The following AGAP1 variants were observed in gnomAD, a reference collection of about 807,000 sequenced individuals.
AGAP1 encodes the protein arf-GAP with GTPase, ANK repeat and PH domain-containing protein 1.
Under a neutral mutation model 105.3 loss-of-function variants are expected in AGAP1, and 29 were observed. The ratio of observed to expected loss-of-function variants is 0.28; its 90% CI spans 0.21 to 0.38. The LOEUF (loss-of-function observed/expected upper bound fraction) is 0.38, where lower values mean the gene tolerates loss of function less well. AGAP1 is among the 10% of genes least tolerant of loss of function. AGAP1 has a pLI of 1.00. For missense variants in AGAP1, 998 were observed against 1,165.1 expected, an observed-to-expected ratio of 0.86 and a Z score of 2.09; for synonymous variants, 509 against 485.9, an observed-to-expected ratio of 1.05 and a Z score of -0.63.
At position 235,577,981 on chromosome 2, in the gene AGAP1, C is replaced by T. The variant is rs148923507; in HGVS notation, c.163+83132C>T. ...CTGCACAGGGGGTCTGGATCGCACCCGACACCATCCAGGTGCCTGCGTGTG... is the reference window on the plus strand; with the variant it reads ...CTGCACAGGGGGTCTGGATCGCACCTGACACCATCCAGGTGCCTGCGTGTG... On this transcript the variant is annotated intron_variant, in intron 1 of 17. Coordinates refer to ENST00000304032, the MANE Select transcript of AGAP1 (RefSeq NM_001037131.3). This position sits in a 1 kb window ranked among gnomAD's most constrained non-coding sequence, Gnocchi z 4.5. Among the ~76,000 whole-genome samples, 2 of 152,110 alleles carry T rather than the reference C, an allele frequency of 1.3e-5. No individual in the cohort carries two copies. The highest frequency in any genetic ancestry group is 3.9e-4 in the East Asian group (2 of 5,154).
At chr2:235,857,960 T>A (rs2048758398) in intron 9 of AGAP1, among the ~76,000 whole-genome samples, 2 of 152,190 alleles carry the variant, frequency 1.3e-5, no homozygotes, top group Non-Finnish European at 2.9e-5. Flanking sequence ...CTGGGTGATC[T>A]TGGGGGATTT....
chr2:235,691,697 G>A lies in AGAP1; in HGVS notation c.164-17482G>A, dbSNP rs1415329402. ...CATCTGCAGAAGGCTGCAAGCTGGGGAACTGAGGGGCCTCTTGGTCTGGGG... is the reference window on the plus strand; with the variant it reads ...CATCTGCAGAAGGCTGCAAGCTGGGAAACTGAGGGGCCTCTTGGTCTGGGG... On this transcript the variant is annotated intron_variant, in intron 1 of 17. Coordinates refer to ENST00000304032, the MANE Select transcript of AGAP1 (RefSeq NM_001037131.3). The surrounding 1 kb of genome is among the most constrained non-coding windows in gnomAD (Gnocchi z 4.4). 6.6e-6 allele frequency among the ~76,000 whole-genome samples: 1 copy of A among 152,350 alleles called. No individual in the cohort carries two copies. Among genetic ancestry groups the A allele is most frequent in the African/African-American group, 2.4e-5 (1 of 41,580 alleles).
Position 235,982,164 on chromosome 2 carries a change from A to G in AGAP1, c.1645+13541A>G, listed in dbSNP as rs1044124862. Among the ~76,000 whole-genome samples the G allele has an allele frequency of 3.9e-5, 6 of 152,240 alleles. No individual in the cohort carries two copies. Among genetic ancestry groups the G allele is most frequent in the Admixed American group, 2.6e-4 (4 of 15,280 alleles). The stretch of plus-strand genomic sequence containing the variant: ...GGCTGTAATTTTGGAAAGCTGGCAT[A>G]TATAATGATGATCTCTTCGCAGCCT... On this transcript the variant is annotated intron_variant, in intron 13 of 17. Transcript: ENST00000304032. This position sits in a 1 kb window ranked among gnomAD's most constrained non-coding sequence, Gnocchi z 4.9.
chr2:236,117,092 A>G (rs911334585), intron 16 of AGAP1, among the ~76,000 whole-genome samples: 1 of 152,074 alleles, frequency 6.6e-6, no homozygotes, highest in Admixed American at 6.5e-5. Context: ...TCAAATAATG[A>G]CTTCTTTTCC....
chr2:235,607,207 C>T (rs971876292), intron 1 of AGAP1, among the ~76,000 whole-genome samples: 4 of 152,094 alleles, frequency 2.6e-5, no homozygotes, highest in Non-Finnish European at 5.9e-5. Flanking sequence ...CCTGCCCAGA[C>T]CCAGGGCTGC....
At chr2:235,545,418 C>T (rs889407439) in intron 1 of AGAP1, among the ~76,000 whole-genome samples, 1 of 152,152 alleles carries the variant, frequency 6.6e-6, no homozygotes, top group African/African-American at 2.4e-5. Flanking sequence ...GCGTGTGAGC[C>T]CTTACTTAGA....
At chr2:235,878,386 C>A (rs568244634) in intron 9 of AGAP1, among the ~76,000 whole-genome samples, 1 of 152,304 alleles carries the variant, frequency 6.6e-6, no homozygotes, top group Non-Finnish European at 1.5e-5. Flanking sequence ...ACCCTCCAGC[C>A]CTGCAGGGTC....
chr2:235,717,675 A>T lies in AGAP1; in HGVS notation c.310+31A>T, dbSNP rs374321329. The T allele has an allele frequency of 3.8e-6, 6 of 1,568,506 alleles. No homozygotes were observed. In the African/African-American group the frequency reaches 8.2e-5, roughly 22 times the overall value. On this transcript the variant is annotated intron_variant, in intron 3 of 17. Coordinates refer to ENST00000304032, the MANE Select transcript of AGAP1 (RefSeq NM_001037131.3). Reference sequence around the variant, plus strand: ...CTGTTTGGCAGGCAGTTGCAAACTTAAGAATGTAGTTTTTTAAAATTTTTC... The same window carrying T: ...CTGTTTGGCAGGCAGTTGCAAACTTTAGAATGTAGTTTTTTAAAATTTTTC...
chr2:235,569,861 C>T lies in AGAP1; in HGVS notation c.163+75012C>T, dbSNP rs1944461508. ...CTGAAAGTGGATGCTATTGTTTTTC[C>T]GATTGCTGGTCTCTTTACTTGTTTA... On this transcript the variant is annotated intron_variant, in intron 1 of 17. Coordinates refer to ENST00000304032, the MANE Select transcript of AGAP1 (RefSeq NM_001037131.3). This position sits in a 1 kb window ranked among gnomAD's most constrained non-coding sequence, Gnocchi z 5.9. 6.6e-6 allele frequency among the ~76,000 whole-genome samples: 1 copy of T among 152,132 alleles called. No individual in the cohort carries two copies. The highest frequency in any genetic ancestry group is 1.9e-4 in the East Asian group (1 of 5,190).
At chr2:235,710,013 A>ATG (rs1186395638) in intron 2 of AGAP1, among the ~76,000 whole-genome samples, 1 of 152,146 alleles carries the variant, frequency 6.6e-6, no homozygotes, top group Non-Finnish European at 1.5e-5. Flanking sequence ...CTATGTATGT[A>ATG]TGTATATATG....
rs2058037512 is a variant in AGAP1, at chr2:236,055,802, T to A, written c.2114+6521T>A. On this transcript the variant is annotated intron_variant, in intron 16 of 17. Transcript: ENST00000304032. The surrounding 1 kb of genome is among the most constrained non-coding windows in gnomAD (Gnocchi z 6.2). ...CCTTACTTAAGATATTTTAGCAACT[T>A]CTCTTAGCAAGCCAACTTGGAATCA... 6.6e-6 allele frequency among the ~76,000 whole-genome samples: 1 copy of A among 152,150 alleles called. No individual in the cohort carries two copies. The highest frequency in any genetic ancestry group is 2.1e-4 in the South Asian group (1 of 4,824).
At chr2:236,033,684 A>G (rs914849221) in intron 13 of AGAP1, among the ~76,000 whole-genome samples, 3 of 152,216 alleles carry the variant, frequency 2.0e-5, no homozygotes, top group African/African-American at 2.4e-5. Flanking sequence ...CCTTCCACCC[A>G]GCCCAGTGCC....
chr2:235,541,457 G>A (rs1402527133), intron 1 of AGAP1, among the ~76,000 whole-genome samples: 5 of 134,906 alleles, frequency 3.7e-5, no homozygotes, highest in African/African-American at 1.1e-4. Context: ...GCGCGATCTC[G>A]GCTCACTGCA....
chr2:235,822,031 T>A (rs143802154), intron 9 of AGAP1, among the ~76,000 whole-genome samples: 418 of 152,358 alleles, frequency 2.7e-3, no homozygotes, highest in Admixed American at 4.8e-3. Flanking sequence ...GCCACCTGTC[T>A]TATTCCTGGG....
intron 13 of AGAP1, among the ~76,000 whole-genome samples, chr2:236,016,714 T>G (rs1188463613): frequency 2.0e-5 from 3 of 152,092 alleles, no homozygotes; most frequent in African/African-American, 7.2e-5. Context: ...GAGCGTGAAT[T>G]CCTCTCTGAA....
intron 1 of AGAP1, among the ~76,000 whole-genome samples, chr2:235,572,151 T>A (rs1944548885): frequency 6.6e-6 from 1 of 151,562 alleles, no homozygotes; most frequent in Non-Finnish European, 1.5e-5. Flanking sequence ...GCTTGGCAAA[T>A]GCAATGAAGA....
rs1957039597 is a variant in AGAP1, at chr2:235,792,509, T to C, written c.674-5250T>C. ...AAGATTTGCCTTTGAGGTCGCCCTG[T>C]GGTGTGTTAGGGGCATTTAGGGGAC... On this transcript the variant is annotated intron_variant, in intron 6 of 17. Transcript: ENST00000304032. The surrounding 1 kb of genome is among the most constrained non-coding windows in gnomAD (Gnocchi z 5.3). Among the ~76,000 whole-genome samples, 1 of 152,156 alleles carries C rather than the reference T, an allele frequency of 6.6e-6. No homozygotes were observed. The highest frequency in any genetic ancestry group is 6.5e-5 in the Admixed American group (1 of 15,270).
At chr2:235,694,704 C>A (rs183372730) in intron 1 of AGAP1, among the ~76,000 whole-genome samples, 1 of 152,154 alleles carries the variant, frequency 6.6e-6, no homozygotes, top group Non-Finnish European at 1.5e-5. Context: ...GACACTTGCT[C>A]CTCCTCGTCT....
chr2:235,899,356 T>TA (rs1192508964), intron 10 of AGAP1, among the ~76,000 whole-genome samples: 1 of 152,050 alleles, frequency 6.6e-6, no homozygotes, highest in African/African-American at 2.4e-5. Flanking sequence ...CTACTAAAAA[T>TA]ACAAAAATTA....
Sources: allele counts gnomAD v4.1 joint callset (sites outside exome capture counted in the v4.1 genomes callset), GRCh38; gene constraint gnomAD v4.1.1; non-coding constraint Gnocchi (gnomAD v3.1); transcripts MANE v1.5; gene names NCBI Gene and HGNC (gene_info 2026-07-23, HGNC 2026-07-21).